LRRC4C: variants seen among roughly 807,000 people sequenced by gnomAD.
LRRC4C encodes the protein leucine-rich repeat-containing protein 4C.
Under a neutral mutation model 33.6 loss-of-function variants are expected in LRRC4C, and 5 were observed. That is an observed-to-expected ratio of 0.15 (90% CI 0.08 to 0.31). The LOEUF (loss-of-function observed/expected upper bound fraction) is 0.31. Among genes scored for constraint, LRRC4C ranks in the 10% least tolerant of loss-of-function variants. LRRC4C has a pLI of 1.00. For synonymous variants in LRRC4C, 329 were observed against 302.0 expected (o/e 1.09, Z -0.93); for missense variants, 560 against 796.7 (o/e 0.70, Z 3.58).
At chr11:40,366,754 T>A (rs1948224998) in intron 3 of LRRC4C, among the ~76,000 whole-genome samples, 1 of 151,960 alleles carries the variant, frequency 6.6e-6, no homozygotes, top group Admixed American at 6.6e-5. Context: ...CACAATGATA[T>A]GAGGTGACAG....
chr11:40,616,680 T>C (rs1238903420), intron 3 of LRRC4C, among the ~76,000 whole-genome samples: 5 of 151,868 alleles, frequency 3.3e-5, no homozygotes, highest in Admixed American at 1.3e-4. Context: ...AAACACTGCA[T>C]GTTCTCACTC....
At chr11:40,956,777 C>T (rs1023197543) in intron 1 of LRRC4C, among the ~76,000 whole-genome samples, 1 of 151,712 alleles carries the variant, frequency 6.6e-6, no homozygotes, top group East Asian at 1.9e-4. Context: ...AATATAAACA[C>T]TCTTTAGCCC....
At chr11:41,003,472 G>C (rs1298184577) in intron 1 of LRRC4C, among the ~76,000 whole-genome samples, 1 of 152,068 alleles carries the variant, frequency 6.6e-6, no homozygotes, top group Non-Finnish European at 1.5e-5. Flanking sequence ...AGATACCTTG[G>C]GGAATACGGT....
chr11:41,106,570 C>A (rs1399431389), intron 1 of LRRC4C, among the ~76,000 whole-genome samples: 1 of 152,036 alleles, frequency 6.6e-6, no homozygotes, highest in African/African-American at 2.4e-5. Context: ...TACCGTATCA[C>A]ACCAAAACCC....
intron 2 of LRRC4C, among the ~76,000 whole-genome samples, chr11:40,914,561 G>A (rs61886618): frequency 0.087 from 13,276 of 152,120 alleles, 627 homozygotes; most frequent in Non-Finnish European, 0.1. Flanking sequence ...AATAATCAGA[G>A]CTATCTATGA....
At chr11:41,291,388 A>G (rs945649175) in intron 1 of LRRC4C, among the ~76,000 whole-genome samples, 2 of 152,162 alleles carry the variant, frequency 1.3e-5, no homozygotes, top group African/African-American at 2.4e-5. Flanking sequence ...TCATTTGCCT[A>G]GTCATTTACC....
chr11:41,299,955 T>G (rs886859699), intron 1 of LRRC4C, among the ~76,000 whole-genome samples: 6 of 152,124 alleles, frequency 3.9e-5, no homozygotes, highest in African/African-American at 1.4e-4. Flanking sequence ...TATCAGTGTT[T>G]TGACTGGATT....
intron 6 of LRRC4C, among the ~76,000 whole-genome samples, chr11:40,117,867 A>C (rs375121228): frequency 6.6e-6 from 1 of 151,968 alleles, no homozygotes; most frequent in Non-Finnish European, 1.5e-5. Flanking sequence ...ATTATATATC[A>C]CATAGGGTTG....
At chr11:40,646,849 G>A (rs1333463022) in intron 3 of LRRC4C, among the ~76,000 whole-genome samples, 1 of 152,066 alleles carries the variant, frequency 6.6e-6, no homozygotes, top group East Asian at 1.9e-4. Context: ...CTCATGATCC[G>A]CCCACCTCGG....
intron 3 of LRRC4C, among the ~76,000 whole-genome samples, chr11:40,633,592 T>C (rs564809027): frequency 2.6e-5 from 4 of 152,016 alleles, no homozygotes; most frequent in South Asian, 2.1e-4. Context: ...TTTCACCATA[T>C]TGGCCAGGCT....
intron 1 of LRRC4C, among the ~76,000 whole-genome samples, chr11:41,412,651 C>T (rs1338998408): frequency 6.6e-6 from 1 of 152,200 alleles, no homozygotes; most frequent in African/African-American, 2.4e-5. Context: ...TATCATTAAA[C>T]AACCCAAGCT....
At chr11:41,018,189 C>G (rs1388038776) in intron 1 of LRRC4C, among the ~76,000 whole-genome samples, 1 of 152,010 alleles carries the variant, frequency 6.6e-6, no homozygotes, top group Non-Finnish European at 1.5e-5. Context: ...TTCCCTGCCC[C>G]AAATAAAATA....
chr11:41,092,109 A>T (rs1018981535), intron 1 of LRRC4C, among the ~76,000 whole-genome samples: 37 of 152,182 alleles, frequency 2.4e-4, no homozygotes, highest in Admixed American at 2.4e-3. Flanking sequence ...ATTTGGTTGA[A>T]TTATAAAATA....
intron 1 of LRRC4C, among the ~76,000 whole-genome samples, chr11:41,364,698 T>C (rs1014127989): frequency 2.0e-5 from 3 of 152,228 alleles, no homozygotes; most frequent in African/African-American, 7.2e-5. Context: ...TTGTTTTTAC[T>C]TCGACTTGCT....
intron 3 of LRRC4C, among the ~76,000 whole-genome samples, chr11:40,646,877 A>T (rs1256080445): frequency 2.0e-5 from 3 of 152,148 alleles, no homozygotes; most frequent in Admixed American, 2.0e-4. Context: ...AAATGCTGGG[A>T]TTACAGGTGT....
At chr11:40,520,630 C>A (rs960225087) in intron 3 of LRRC4C, among the ~76,000 whole-genome samples, 2 of 152,042 alleles carry the variant, frequency 1.3e-5, no homozygotes, top group Non-Finnish European at 2.9e-5. Flanking sequence ...GATCAGTACT[C>A]TAAGAGCACC....
chr11:40,599,149 C>G (rs909317862), intron 3 of LRRC4C, among the ~76,000 whole-genome samples: 22 of 152,052 alleles, frequency 1.4e-4, no homozygotes, highest in African/African-American at 5.3e-4. Context: ...TCAAATGTCC[C>G]CTCAGAAGGG....
intron 3 of LRRC4C, among the ~76,000 whole-genome samples, chr11:40,377,842 G>C (rs1055485785): frequency 2.6e-5 from 4 of 152,060 alleles, no homozygotes; most frequent in African/African-American, 9.7e-5. Flanking sequence ...ATTTTTAGTT[G>C]ATAAAATTGA....
intron 1 of LRRC4C, among the ~76,000 whole-genome samples, chr11:41,326,964 A>G (rs1011290330): frequency 1.3e-5 from 2 of 152,198 alleles, no homozygotes; most frequent in Non-Finnish European, 2.9e-5. Context: ...TACACTGTCA[A>G]TCATAACATG....
Sources: gnomAD v4.1 joint callset for allele counts (sites outside exome capture counted in the v4.1 genomes callset) on GRCh38, gnomAD v4.1.1 for gene constraint, MANE v1.5 for transcripts, NCBI Gene and HGNC (gene_info 2026-07-23, HGNC 2026-07-21) for gene names.